Variants in ABCD3 observed in about 807,000 individuals in gnomAD.
ABCD3 encodes ATP binding cassette subfamily D member 3.
In ABCD3, 41 loss-of-function variants were observed where a neutral mutation model predicts 105.5. The ratio of observed to expected loss-of-function variants is 0.39; its 90% CI spans 0.30 to 0.50. The LOEUF (loss-of-function observed/expected upper bound fraction) is 0.50, where lower values mean the gene tolerates loss of function less well. Ranked by LOEUF, ABCD3 falls within the 20% of genes least tolerant of loss-of-function variation. The pLI is 0.84. For missense variants in ABCD3, 622 were observed against 806.3 expected (o/e 0.77, Z 2.77); for synonymous variants, 258 against 269.0 (o/e 0.96, Z 0.40).
At chr1:94,463,977 C>T (rs984530665) in intron 2 of ABCD3, among the ~76,000 whole-genome samples, 2 of 152,156 alleles carry the variant, frequency 1.3e-5, no homozygotes, top group African/African-American at 4.8e-5. Flanking sequence ...CCTTGTGCTT[C>T]ACTCCCTCCC....
chr1:94,468,464 G>C (rs1278773551), intron 4 of ABCD3, among the ~76,000 whole-genome samples: 1 of 152,196 alleles, frequency 6.6e-6, no homozygotes, highest in Non-Finnish European at 1.5e-5. Context: ...TCTGGTGATA[G>C]TGCTTTTTAT....
chr1:94,474,724 G>GTT (rs4148070), intron 5 of ABCD3, among the ~76,000 whole-genome samples: 108 of 146,478 alleles, frequency 7.4e-4, no homozygotes, highest in Non-Finnish European at 8.6e-4. Context: ...AACCTGTAGT[G>GTT]TTTTTTTTTT....
At chr1:94,482,893 C>T in intron 9 of ABCD3, 1 of 399,230 alleles carries the variant, frequency 2.5e-6, no homozygotes, top group South Asian at 3.2e-5. Flanking sequence ...TTTCGAATTT[C>T]TGAGAATTCG....
chr1:94,412,905 T>C, the ABCD3 span, among the ~76,000 whole-genome samples: 4 of 152,190 alleles, frequency 2.6e-5, no homozygotes, highest in Admixed American at 2.6e-4. Context: ...ATATCATTAT[T>C]TGCTCATTTT....
At chr1:94,507,677 G>A (rs1192308884) in intron 21 of ABCD3, among the ~76,000 whole-genome samples, 1 of 152,024 alleles carries the variant, frequency 6.6e-6, no homozygotes, top group East Asian at 1.9e-4. Flanking sequence ...TTTAATGATT[G>A]CCATTCTAAC....
At chr1:94,412,576 A>G in the ABCD3 span, among the ~76,000 whole-genome samples, 3 of 152,212 alleles carry the variant, frequency 2.0e-5, no homozygotes, top group Non-Finnish European at 2.9e-5. Flanking sequence ...TCTTACAAAG[A>G]TGCATTATAC....
intron 15 of ABCD3, 129 bp from the exon 16 acceptor site, chr1:94,491,055 T>A (rs1649512335): frequency 1.5e-6 from 1 of 665,882 alleles, no homozygotes. Flanking sequence ...CCATCTGAAT[T>A]TCTTCTTTTA....
intron 1 of ABCD3, among the ~76,000 whole-genome samples, chr1:94,423,841 A>G (rs1020783364): frequency 6.6e-6 from 1 of 151,918 alleles, no homozygotes; most frequent in African/African-American, 2.4e-5. Context: ...CCCCTCTACA[A>G]CTTTCCTGCA....
intron 1 of ABCD3, among the ~76,000 whole-genome samples, chr1:94,442,783 G>A (rs1376953650): frequency 6.6e-6 from 1 of 152,136 alleles, no homozygotes; most frequent in East Asian, 1.9e-4. Context: ...CCATGTTGCT[G>A]TGAAAGACAT....
chr1:94,468,945 C>T (rs1414538840), intron 4 of ABCD3, among the ~76,000 whole-genome samples: 2 of 152,014 alleles, frequency 1.3e-5, no homozygotes, highest in Admixed American at 6.6e-5. Flanking sequence ...TTATGTAGGC[C>T]CTCACATTCC....
rs1651019422 is a variant in ABCD3, at chr1:94,518,293, A to G, written c.*1164A>G. ...ACTGAGTATAATCAATAAGCTAGAT[A>G]CGAAATCAGTTTCTCAAACTGAGCT... On this transcript the variant is annotated 3_prime_UTR_variant, in exon 23 of 23. Transcript: ENST00000370214. 6.6e-6 allele frequency: 1 copy of G among 152,270 alleles called. No individual in the cohort carries two copies. The highest frequency in any genetic ancestry group is 1.5e-5 in the Non-Finnish European group (1 of 67,804). 9.4% of individuals were successfully genotyped at this position (152,270 alleles called of 1,614,324 possible).
At chr1:94,486,277 G>C (rs1649276565) in intron 10 of ABCD3, among the ~76,000 whole-genome samples, 1 of 152,158 alleles carries the variant, frequency 6.6e-6, no homozygotes. Context: ...AGCATCCATG[G>C]ATTTTGGTAT....
rs1193165529 is a variant in ABCD3 at position 94,489,774 on chromosome 1, C to A, written c.1207C>A (p.His403Asn). 1 of 1,613,246 alleles carries A rather than the reference C, an allele frequency of 6.2e-7. No homozygotes were observed. The highest frequency in any genetic ancestry group is 1.7e-5 in the Admixed American group (1 of 59,954). ...ELMQVLKDLNHGKYERTMVSQ... is the reference protein window; with the variant it reads ...ELMQVLKDLNNGKYERTMVSQ... ...AATGCAAGTACTGAAGGATTTAAAT[C>A]ATGGCAAATATGAGCGCACAATGGT... The change falls in exon 14 of 23, where the codon CAT becomes AAT. Residue 403 changes from histidine (H) to asparagine (N), a missense_variant. His to Asn is a moderately conservative substitution (Grantham distance 68, BLOSUM62 1). Coordinates refer to ENST00000370214, the MANE Select transcript of ABCD3 (RefSeq NM_002858.4).
Position 94,468,149 on chromosome 1 carries a change from A to C in ABCD3, c.335+142A>C, listed in dbSNP as rs1648248965. 4.1e-6 allele frequency: 3 copies of C among 734,282 alleles called. No homozygotes were observed. In the Admixed American group the frequency reaches 6.1e-5, roughly 15 times the overall value. 45.5% of individuals were successfully genotyped at this position (734,282 alleles called of 1,614,324 possible). A position where few individuals can be genotyped will look rare whatever the true frequency, so the allele number is the denominator to read the frequency against. The stretch of plus-strand genomic sequence containing the variant: ...AAATTATGTGTTTGTTCATTTACTT[A>C]AAAAATACTTAGTGTTTCCCATGTG... On this transcript the variant is annotated intron_variant, in intron 4 of 22. Coordinates refer to ENST00000370214, the MANE Select transcript of ABCD3 (RefSeq NM_002858.4).
At chr1:94,428,618 G>A (rs1471089910) in intron 1 of ABCD3, among the ~76,000 whole-genome samples, 2 of 152,270 alleles carry the variant, frequency 1.3e-5, no homozygotes, top group South Asian at 2.1e-4. Context: ...TCTCGTGATA[G>A]TGAACGGTTT....
At chr1:94,480,071 G>A (rs1402279801) in intron 8 of ABCD3, among the ~76,000 whole-genome samples, 3 of 152,012 alleles carry the variant, frequency 2.0e-5, no homozygotes, top group Non-Finnish European at 4.4e-5. Context: ...ACTAAGGAAG[G>A]AGTTTGAGGG....
At chr1:94,450,648 A>G (rs956533776) in intron 1 of ABCD3, among the ~76,000 whole-genome samples, 2 of 152,208 alleles carry the variant, frequency 1.3e-5, no homozygotes, top group African/African-American at 4.8e-5. Context: ...ATATGTGGGT[A>G]AATCTCTGTT....
the ABCD3 span, among the ~76,000 whole-genome samples, chr1:94,408,646 A>G: frequency 1.3e-5 from 2 of 152,132 alleles, no homozygotes; most frequent in Non-Finnish European, 2.9e-5. Flanking sequence ...AGAGCCTGCC[A>G]TATGGAGACG....
chr1:94,427,314 T>C (rs758560149), intron 1 of ABCD3, among the ~76,000 whole-genome samples: 5 of 152,186 alleles, frequency 3.3e-5, no homozygotes, highest in Non-Finnish European at 7.3e-5. Context: ...AACCCTGATT[T>C]TGTTTATCAT....
Sources: allele counts gnomAD v4.1 joint callset (sites outside exome capture counted in the v4.1 genomes callset), GRCh38; gene constraint gnomAD v4.1.1; transcripts MANE v1.5; gene names NCBI Gene and HGNC (gene_info 2026-07-23, HGNC 2026-07-21).